The following OCM variants were observed in gnomAD, a reference collection of about 807,000 sequenced individuals.
The protein encoded by OCM is oncomodulin-1.
A neutral mutation model predicts 14.1 loss-of-function variants in OCM; 18 were observed. The observed-to-expected ratio is 1.28, with a 90% CI of 0.88 to 1.89. OCM has a LOEUF of 1.89. Among genes scored for constraint, OCM ranks in the 40% most tolerant of loss-of-function variants. OCM has a pLI of 0.00. For missense variants in OCM, 140 were observed against 137.6 expected, an observed-to-expected ratio of 1.02 and a Z score of -0.09; for synonymous variants, 48 against 51.0, an observed-to-expected ratio of 0.94 and a Z score of 0.25.
At chr7:5,879,750 TAAA>T (rs1291070097), upstream of OCM, 1 of 68,286 alleles carries the variant, frequency 1.5e-5, no homozygotes, top group African/African-American at 8.7e-5. Flanking sequence ...CCTTGAGACA[TAAA>T]TAGAAAAAAA....
intron 2 of OCM, among the ~76,000 whole-genome samples, chr7:5,883,578 T>G (rs1240939148): frequency 6.6e-6 from 1 of 151,636 alleles, no homozygotes. Flanking sequence ...TCCCAGCTAC[T>G]CAGGAGGTTG....
At chr7:5,863,090 T>C in the OCM span, among the ~76,000 whole-genome samples, 9 of 152,358 alleles carry the variant, frequency 5.9e-5, no homozygotes, top group African/African-American at 2.2e-4. Context: ...AATGTAGATT[T>C]CCTGAGCTGG....
chr7:5,874,452 G>A, the OCM span, among the ~76,000 whole-genome samples: 2 of 151,830 alleles, frequency 1.3e-5, no homozygotes, highest in African/African-American at 4.8e-5. Flanking sequence ...CAGATGCATA[G>A]CATGATATGC....
At chr7:5,871,542 A>C in the OCM span, among the ~76,000 whole-genome samples, 2 of 152,014 alleles carry the variant, frequency 1.3e-5, no homozygotes, top group African/African-American at 2.4e-5. Flanking sequence ...AGTTGTTGCC[A>C]TGGTTAAATG....
chr7:5,881,497 G>T (rs1340876013), intron 1 of OCM, among the ~76,000 whole-genome samples: 2 of 151,960 alleles, frequency 1.3e-5, no homozygotes, highest in East Asian at 1.9e-4. Flanking sequence ...GGGCATGGTG[G>T]CATGTGCCTG....
chr7:5,868,437 G>C, the OCM span, among the ~76,000 whole-genome samples: 26 of 152,030 alleles, frequency 1.7e-4, no homozygotes, highest in Non-Finnish European at 3.1e-4. Context: ...GTGAGCCACC[G>C]CGCCCGGCCA....
intron 3 of OCM, among the ~76,000 whole-genome samples, chr7:5,884,470 G>A (rs915565135): frequency 2.0e-5 from 3 of 152,134 alleles, no homozygotes; most frequent in East Asian, 1.9e-4. Context: ...ACATTAGCCC[G>A]CCAAGGGGAT....
At position 5,880,879 on chromosome 7, in the gene OCM, G is replaced by C; in HGVS notation, c.-11G>C. 1 of 1,613,288 alleles carries C rather than the reference G, an allele frequency of 6.2e-7. No individual in the cohort carries two copies. The highest frequency in any genetic ancestry group is 8.5e-7 in the Non-Finnish European group (1 of 1,179,402). The stretch of plus-strand genomic sequence containing the variant: ...ATCGCCTCTCATTTATTCTGTGTGA[G>C]TAGGTAGAAAATGAGCATCACGGAC... On this transcript the variant is annotated 5_prime_UTR_variant, in exon 1 of 4. Transcript: ENST00000242104.
At chr7:5,878,486 C>T (rs1781141613), upstream of OCM, among the ~76,000 whole-genome samples, 1 of 151,720 alleles carries the variant, frequency 6.6e-6, no homozygotes, top group Non-Finnish European at 1.5e-5. Context: ...GTGGCTCACG[C>T]CTGTAATCCC....
At chr7:5,870,986 A>G in the OCM span, among the ~76,000 whole-genome samples, 1 of 151,930 alleles carries the variant, frequency 6.6e-6, no homozygotes, top group East Asian at 1.9e-4. Flanking sequence ...TTCCGGGTTC[A>G]AGTGATTCTC....
the OCM span, among the ~76,000 whole-genome samples, chr7:5,867,874 C>A: frequency 2.6e-5 from 4 of 151,672 alleles, no homozygotes; most frequent in Admixed American, 2.6e-4. Flanking sequence ...TGATCCTCCC[C>A]GGTAGCTGGG....
upstream of OCM, among the ~76,000 whole-genome samples, chr7:5,876,166 G>A (rs747635894): frequency 4.6e-5 from 7 of 152,020 alleles, no homozygotes; most frequent in Admixed American, 1.3e-4. Context: ...CCACCACGCC[G>A]GGTTAATTTT....
the OCM span, among the ~76,000 whole-genome samples, chr7:5,859,819 TCG>T: frequency 6.6e-6 from 1 of 152,052 alleles, no homozygotes; most frequent in Non-Finnish European, 1.5e-5. Context: ...TGCCTCAGCC[TCG>T]TGAGTAGCTG....
rs543283767 is a variant in OCM, at chr7:5,885,959, A to G, written c.305-105A>G. 74 of 1,422,206 alleles carry G rather than the reference A, an allele frequency of 5.2e-5. No homozygotes were observed. The East Asian group carries it at 1.7e-3, about 32-fold the overall frequency. The allele number at this position is 1,422,206 out of a possible 1,614,324, so 88.1% of individuals were successfully genotyped here. ...AAGGGGGCCATGCCCATCATCTGAC[A>G]ATTTTCTTTGCTTCCTTCCCTCTTT... On this transcript the variant is annotated intron_variant, in intron 3 of 3. Coordinates refer to ENST00000242104, the MANE Select transcript of OCM (RefSeq NM_001097622.2).
chr7:5,859,943 C>G, the OCM span, among the ~76,000 whole-genome samples: 623 of 152,172 alleles, frequency 4.1e-3, 3 homozygotes, highest in Middle Eastern at 0.034. Flanking sequence ...CTGCCTTGGC[C>G]TCTCAAAGTG....
chr7:5,885,658 T>C (rs1423969152), intron 3 of OCM, among the ~76,000 whole-genome samples: 4 of 150,294 alleles, frequency 2.7e-5, no homozygotes, highest in African/African-American at 9.8e-5. Context: ...TCGCCCAGGC[T>C]AGAGTGCAAT....
intron 3 of OCM, 21 bp from the exon 4 acceptor site, chr7:5,886,043 T>G: frequency 6.2e-7 from 1 of 1,614,090 alleles, no homozygotes; most frequent in Non-Finnish European, 8.5e-7. Context: ...ACTGACCCTG[T>G]TCTCACCTCT....
Position 5,882,482 on chromosome 7 carries a change from C to T in OCM, c.62-11C>T, listed in dbSNP as rs1334590228. 7.4e-6 allele frequency: 12 copies of T among 1,613,860 alleles called. No homozygotes were observed. The Middle Eastern group carries it at 1.2e-3, about 155-fold the overall frequency. ...AACAAGCGTCAGAATAACCAATTCT[C>T]TGTTCTTCAGACCCAGACACTTTTG... On this transcript the variant is annotated splice_polypyrimidine_tract_variant and intron_variant, in intron 1 of 3. Transcript: ENST00000242104.
chr7:5,869,019 C>T, the OCM span, among the ~76,000 whole-genome samples: 4 of 152,082 alleles, frequency 2.6e-5, no homozygotes, highest in South Asian at 2.1e-4. Context: ...GCTGAGATCG[C>T]GCCATTGTAC....
Sources: gnomAD v4.1 joint callset for allele counts (sites outside exome capture counted in the v4.1 genomes callset) on GRCh38, gnomAD v4.1.1 for gene constraint, MANE v1.5 for transcripts, NCBI Gene and HGNC (gene_info 2026-07-23, HGNC 2026-07-21) for gene names.